The following C1S variants were observed in gnomAD, a reference collection of about 807,000 sequenced individuals.
The protein encoded by C1S is complement C1s.
Under a neutral mutation model 54.0 loss-of-function variants are expected in C1S, and 31 were observed. That is an observed-to-expected ratio of 0.57 (90% CI 0.43 to 0.78). C1S has a LOEUF of 0.78. Among genes scored for constraint, C1S ranks in the 30% least tolerant of loss-of-function variants. The pLI, the probability that C1S is intolerant of heterozygous loss-of-function variation, is 0.00. For synonymous variants in C1S, 292 were observed against 303.6 expected (o/e 0.96, Z 0.40); for missense variants, 727 against 851.8 (o/e 0.85, Z 1.82).
At chr12:7,069,788 T>C in intron 11 of C1S, 67 bp from the exon 12 acceptor site, 2 of 1,308,186 alleles carry the variant, frequency 1.5e-6, no homozygotes, top group South Asian at 1.2e-5. Flanking sequence ...ATGTGAGTGG[T>C]TGGAGGATTT....
At chr12:7,066,781 C>A in intron 8 of C1S, 148 bp downstream of exon 8, 1 of 718,364 alleles carries the variant, frequency 1.4e-6, no homozygotes, top group East Asian at 2.7e-5. Flanking sequence ...CTGTAGTTCT[C>A]CCTTGTGAGT....
At chr12:7,063,376 T>C (rs782810345) in intron 4 of C1S, 2 of 488,924 alleles carry the variant, frequency 4.1e-6, no homozygotes, top group Non-Finnish European at 8.1e-6. Flanking sequence ...ACTTTAATCC[T>C]TCAAGGTAGG....
At chr12:7,061,614 G>A (rs782742037) in intron 1 of C1S, 1 of 490,584 alleles carries the variant, frequency 2.0e-6, no homozygotes, top group East Asian at 3.8e-5. Flanking sequence ...TTAGGAGAAA[G>A]TCTAGAGAAG....
In C1S at chr12:7,070,741, G is replaced by A; in HGVS notation, c.*90G>A. 1.9e-6 allele frequency: 2 copies of A among 1,079,964 alleles called. No individual in the cohort carries two copies. Among genetic ancestry groups the A allele is most frequent in the Non-Finnish European group, 2.9e-6 (2 of 700,914 alleles). 66.9% of individuals were successfully genotyped at this position (1,079,964 alleles called of 1,614,324 possible). ...ATATTCTCATTATTTCATCATGACT[G>A]AAAGAAGACACGAGCGAATGATTTA... On this transcript the variant is annotated 3_prime_UTR_variant, in exon 12 of 12. Coordinates refer to ENST00000360817, the MANE Select transcript of C1S (RefSeq NM_001734.5). The surrounding 1 kb of genome is among the most constrained non-coding windows in gnomAD (Gnocchi z 4.9).
chr12:7,064,267 A>T lies in C1S; in HGVS notation c.392A>T (p.Asp131Val). 6.2e-7 allele frequency: 1 copy of T among 1,614,020 alleles called. No individual in the cohort carries two copies. Among genetic ancestry groups the T allele is most frequent in the Non-Finnish European group, 8.5e-7 (1 of 1,179,936 alleles). ...CTCAGCCTCTTTCTACTCTTTGTAGACATAAATGAATGCACAGATTTTGTA... is the reference window on the plus strand; with the variant it reads ...CTCAGCCTCTTTCTACTCTTTGTAGTCATAAATGAATGCACAGATTTTGTA... Reference protein sequence around the residue: ...TGFAAYYVATDINECTDFVDV... With the variant: ...TGFAAYYVATVINECTDFVDV... The change falls in exon 5 of 12, where the codon GAC (aspartate) becomes GTC (valine). Residue 131 changes from aspartate to valine, a missense_variant and splice_region_variant. Physicochemically the swap from Asp to Val is radical, Grantham distance 152. This residue lies in a region of C1S where 357 missense variants were observed against 365.4 expected (regional missense o/e 0.98). Coordinates refer to ENST00000360817, the MANE Select transcript of C1S (RefSeq NM_001734.5).
intron 11 of C1S, among the ~76,000 whole-genome samples, chr12:7,069,617 C>T (rs1215152827): frequency 6.6e-6 from 1 of 152,228 alleles, no homozygotes; most frequent in African/African-American, 2.4e-5. Flanking sequence ...CAGTGATTCA[C>T]ACACTGCCTC....
In C1S at chr12:7,068,442, CTG is replaced by C. The variant is rs782312734; in HGVS notation, c.1196-11_1196-10del. On this transcript the variant is annotated splice_polypyrimidine_tract_variant and intron_variant, in intron 10 of 11. Transcript: ENST00000360817. The stretch of plus-strand genomic sequence containing the variant: ...TGGTGGTGAGTGTGGCCTGTGTTCT[CTG>C]TGCTATTCCAGGGGAGTATCACTGT... 1.2e-6 allele frequency: 2 copies of C among 1,602,648 alleles called. No homozygotes were observed. The highest frequency in any genetic ancestry group is 1.7e-6 in the Non-Finnish European group (2 of 1,169,614).
At chr12:7,068,207 G>A (rs781869710) in intron 10 of C1S, among the ~76,000 whole-genome samples, 3 of 152,282 alleles carry the variant, frequency 2.0e-5, no homozygotes, top group East Asian at 1.9e-4. Flanking sequence ...TATTTATTTC[G>A]CCACTTTCCC....
At chr12:7,067,825 T>A in intron 10 of C1S, 54 bp downstream of exon 10, 1 of 1,560,570 alleles carries the variant, frequency 6.4e-7, no homozygotes, top group Non-Finnish European at 8.8e-7. Flanking sequence ...TGTTGGAGGG[T>A]GGATAGCATA....
chr12:7,067,812 A>AG, intron 10 of C1S, 41 bp downstream of exon 10: 1 of 1,592,402 alleles, frequency 6.3e-7, no homozygotes, highest in Non-Finnish European at 8.6e-7. Context: ...GAGAGTGAGA[A>AG]GGTGTTGGAG....
chr12:7,068,580 A>C, intron 11 of C1S, 50 bp downstream of exon 11: 1 of 1,272,964 alleles, frequency 7.9e-7, no homozygotes, highest in East Asian at 2.3e-5. Context: ...GGTGACTGGG[A>C]GTCACCTTCT....
At chr12:7,065,690 C>T in intron 6 of C1S, 127 bp from the exon 7 acceptor site, 2 of 848,902 alleles carry the variant, frequency 2.4e-6, no homozygotes, top group South Asian at 1.4e-5. Flanking sequence ...ATTATCTTTT[C>T]TCCTGACCCT....
chr12:7,069,828 T>C (rs782216147), intron 11 of C1S, 27 bp from the exon 12 acceptor site: 1 of 1,581,856 alleles, frequency 6.3e-7, no homozygotes, highest in Non-Finnish European at 8.7e-7. Context: ...TCTTCCTCCT[T>C]CCCTGTGTTG....
chr12:7,069,930 T>G lies in C1S; in HGVS notation c.1346T>G (p.Phe449Cys). The G allele has an allele frequency of 6.2e-7, 1 of 1,614,134 alleles. No individual in the cohort carries two copies. Among genetic ancestry groups the G allele is most frequent in the Non-Finnish European group, 8.5e-7 (1 of 1,180,012 alleles). Residue 449 changes from phenylalanine to cysteine, a missense_variant, in exon 12 of 12, where the codon TTC becomes TGC. Coordinates refer to ENST00000360817, the MANE Select transcript of C1S (RefSeq NM_001734.5). ...IGGSDADIKN[F>C]PWQVFFDNPW... The stretch of plus-strand genomic sequence containing the variant: ...GGATCCGATGCAGATATTAAAAACT[T>G]CCCCTGGCAAGTCTTCTTTGACAAC...
In C1S at chr12:7,065,245, A is replaced by T; in HGVS notation, c.663A>T (p.Glu221Asp). 2 of 1,614,124 alleles carry T rather than the reference A, an allele frequency of 1.2e-6. No individual in the cohort carries two copies. The highest frequency in any genetic ancestry group is 1.7e-6 in the Non-Finnish European group (2 of 1,179,992). Residue 221 changes from glutamate (E) to aspartate (D), a missense_variant, in exon 6 of 12, where the codon GAA becomes GAT. By Grantham distance (45) the Glu-to-Asp change is conservative. This residue lies in a region of C1S where 357 missense variants were observed against 365.4 expected (regional missense o/e 0.98). Transcript: ENST00000360817. ...AAGTGGTGGTGACCTTGCGGAGAGAAGATTTTGATGTGGAAGCAGCTGACT... is the reference window on the plus strand; with the variant it reads ...AAGTGGTGGTGACCTTGCGGAGAGATGATTTTGATGTGGAAGCAGCTGACT... ...GFQVVVTLRR[E>D]DFDVEAADSA...
chr12:7,070,617 C>T lies in C1S; in HGVS notation c.2033C>T (p.Thr678Ile), dbSNP rs1555163132. The T allele has an allele frequency of 2.5e-6, 4 of 1,614,138 alleles. No homozygotes were observed. Among genetic ancestry groups the T allele is most frequent in the South Asian group, 2.2e-5 (2 of 91,070 alleles). The change falls in exon 12 of 12, where the codon ACT becomes ATT. Residue 678 changes from threonine (T) to isoleucine (I), a missense_variant. Physicochemically the swap from Thr to Ile is moderately conservative, Grantham distance 89. Coordinates refer to ENST00000360817, the MANE Select transcript of C1S (RefSeq NM_001734.5). The surrounding 1 kb of genome is among the most constrained non-coding windows in gnomAD (Gnocchi z 4.9). The part of the protein sequence containing the change: ...VKNYVDWIMK[T>I]MQENSTPRED ...AACTATGTTGACTGGATAATGAAGA[C>T]TATGCAGGAAAATAGCACCCCCCGT...
chr12:7,066,474 A>G (rs1555162237), intron 7 of C1S, 44 bp from the exon 8 acceptor site: 9 of 1,080,340 alleles, frequency 8.3e-6, no homozygotes, highest in Admixed American at 1.7e-5. Flanking sequence ...GTCTTCAACT[A>G]TTTAGTAATT....
At chr12:7,064,964 C>T (rs1947152005) in intron 5 of C1S, 136 bp from the exon 6 acceptor site, 2 of 732,120 alleles carry the variant, frequency 2.7e-6, no homozygotes, top group Admixed American at 4.2e-5. Flanking sequence ...TGCTCTATCC[C>T]TCCAGTTAGG....
At position 7,062,584 on chromosome 12, in the gene C1S, T is replaced by A; in HGVS notation, c.115T>A (p.Ser39Thr). The A allele has an allele frequency of 6.2e-7, 1 of 1,614,010 alleles. No homozygotes were observed. Among genetic ancestry groups the A allele is most frequent in the African/African-American group, 1.3e-5 (1 of 75,018 alleles). The change falls in exon 3 of 12, where the codon TCT becomes ACT. Residue 39 changes from serine to threonine, a missense_variant. Ser to Thr is a moderately conservative substitution (Grantham distance 58). Transcript: ENST00000360817. ...PQAYPSEVEK[S>T]WDIEVPEGYG... ...GGCATATCCCAGTGAGGTAGAGAAA[T>A]CTTGGGACATAGAAGTTCCTGAAGG...
Sources: allele counts gnomAD v4.1 joint callset (sites outside exome capture counted in the v4.1 genomes callset), GRCh38; gene constraint gnomAD v4.1.1; regional missense constraint gnomAD v4.1.1; non-coding constraint Gnocchi (gnomAD v3.1); transcripts MANE v1.5; gene names NCBI Gene and HGNC (gene_info 2026-07-23, HGNC 2026-07-21).